The following PCDHA11 variants were observed in gnomAD, a reference collection of about 807,000 sequenced individuals.
The protein encoded by PCDHA11 is protocadherin alpha-11.
Under a neutral mutation model 70.3 loss-of-function variants are expected in PCDHA11, and 61 were observed. The ratio of observed to expected loss-of-function variants is 0.87; its 90% CI spans 0.71 to 1.07. PCDHA11 has a LOEUF of 1.07. Ranked by LOEUF, PCDHA11 falls within the 50% of genes least tolerant of loss-of-function variation. The pLI is 0.00. For synonymous variants in PCDHA11, 633 were observed against 555.1 expected (o/e 1.14, Z -1.97); for missense variants, 1,324 against 1,237.5 (o/e 1.07, Z -1.05).
intron 1 of PCDHA11, among the ~76,000 whole-genome samples, chr5:140,975,395 C>T (rs2096665697): frequency 6.6e-6 from 1 of 152,246 alleles, no homozygotes; most frequent in Admixed American, 6.5e-5. Flanking sequence ...AGATCCATCA[C>T]AATCACAGTC....
chr5:140,924,712 T>C (rs1481544117), intron 1 of PCDHA11, among the ~76,000 whole-genome samples: 1 of 151,870 alleles, frequency 6.6e-6, no homozygotes, highest in African/African-American at 2.4e-5. Context: ...TTGTGCAACA[T>C]GGCGAAACCT....
At chr5:140,931,783 T>A (rs2087751344) in intron 1 of PCDHA11, among the ~76,000 whole-genome samples, 1 of 151,996 alleles carries the variant, frequency 6.6e-6, no homozygotes, top group African/African-American at 2.4e-5. Context: ...TTCAATTACC[T>A]ATTGATCTGA....
chr5:140,966,960 T>C, intron 1 of PCDHA11: 1 of 1,603,106 alleles, frequency 6.2e-7, no homozygotes, highest in Non-Finnish European at 8.5e-7. Context: ...GCTCGCGCGC[T>C]GGGGCTTGAG....
In PCDHA11 at chr5:140,982,464, T is replaced by C; in HGVS notation, c.2451-11T>C. 6.2e-7 allele frequency: 1 copy of C among 1,614,112 alleles called. No individual in the cohort carries two copies. Among genetic ancestry groups the C allele is most frequent in the Non-Finnish European group, 8.5e-7 (1 of 1,180,010 alleles). ...GATCTAACCGTTATCTGGGTCTGTG[T>C]GTTTATTCAGCTCTGTGCACCTAGA... On this transcript the variant is annotated splice_polypyrimidine_tract_variant and intron_variant, in intron 2 of 3. Coordinates refer to ENST00000398640, the MANE Select transcript of PCDHA11 (RefSeq NM_018902.5).
In PCDHA11 at chr5:140,953,296, G is replaced by A. The variant is rs118116883; in HGVS notation, c.2392-25653G>A. 7.9e-5 allele frequency among the ~76,000 whole-genome samples: 12 copies of A among 152,162 alleles called. No individual in the cohort carries two copies. The East Asian group carries it at 1.5e-3, about 20-fold the overall frequency. Reference sequence around the variant, plus strand: ...TGCTCTTTATATGTGATTCAGGGACGGCAGAGATGTGGGAAGAATTTGATC... The same window carrying A: ...TGCTCTTTATATGTGATTCAGGGACAGCAGAGATGTGGGAAGAATTTGATC... On this transcript the variant is annotated intron_variant, in intron 1 of 3. Coordinates refer to ENST00000398640, the MANE Select transcript of PCDHA11 (RefSeq NM_018902.5).
At chr5:140,925,124 A>AGGAAGGAAGGAAGG (rs1554202565) in intron 1 of PCDHA11, among the ~76,000 whole-genome samples, 2 of 151,856 alleles carry the variant, frequency 1.3e-5, no homozygotes, top group African/African-American at 2.4e-5. Context: ...GAAGGAAGGA[A>AGGAAGGAAGGAAGG]AAAAAATTTC....
intron 1 of PCDHA11, among the ~76,000 whole-genome samples, chr5:140,937,823 A>T (rs2091776135): frequency 6.6e-6 from 1 of 151,692 alleles, no homozygotes; most frequent in Admixed American, 6.6e-5. Context: ...GAGGCAGGAG[A>T]ATGGCATGAA....
At chr5:140,915,572 C>T (rs2077180575) in intron 1 of PCDHA11, among the ~76,000 whole-genome samples, 1 of 152,106 alleles carries the variant, frequency 6.6e-6, no homozygotes, top group Admixed American at 6.6e-5. Context: ...ATCTGGATTG[C>T]CAGGCAAAAG....
At chr5:141,009,459 A>T in intron 3 of PCDHA11, 168 bp from the exon 4 acceptor site, 3 of 950,878 alleles carry the variant, frequency 3.2e-6, no homozygotes, top group Non-Finnish European at 3.8e-6. Context: ...AATTAAACAA[A>T]TAAATAAATA....
chr5:140,898,245 T>G (rs1583300763), intron 1 of PCDHA11, among the ~76,000 whole-genome samples: 1 of 152,246 alleles, frequency 6.6e-6, no homozygotes, highest in East Asian at 1.9e-4. Flanking sequence ...TTTGGTGTTT[T>G]AGACATGAAG....
intron 1 of PCDHA11, chr5:140,928,265 A>T (rs1208273188): frequency 4.3e-6 from 7 of 1,614,188 alleles, no homozygotes; most frequent in Non-Finnish European, 4.2e-6. Flanking sequence ...GCTGAAAACA[A>T]TGGCCCTGGG....
In PCDHA11 at chr5:140,995,657, A is replaced by C. The variant is rs188298109; in HGVS notation, c.2539+13094A>C. Among the ~76,000 whole-genome samples, 56 of 152,328 alleles carry C rather than the reference A, an allele frequency of 3.7e-4. No homozygotes were observed. The East Asian group carries it at 7.7e-3, about 21-fold the overall frequency. Reference sequence around the variant, plus strand: ...AGTGTTTAGAAAAGGAGAATCGAAAAGGGAAGTAAATGCAGCATTTTTTTT... The same window carrying C: ...AGTGTTTAGAAAAGGAGAATCGAAACGGGAAGTAAATGCAGCATTTTTTTT... On this transcript the variant is annotated intron_variant, in intron 3 of 3. Coordinates refer to ENST00000398640, the MANE Select transcript of PCDHA11 (RefSeq NM_018902.5).
chr5:140,965,283 A>G (rs1342044804), intron 1 of PCDHA11, among the ~76,000 whole-genome samples: 1 of 152,200 alleles, frequency 6.6e-6, no homozygotes, highest in Non-Finnish European at 1.5e-5. Context: ...CACAGCATGG[A>G]AAGATTTCCT....
chr5:140,946,631 T>TATATATATATATATATATATATATACAC lies in PCDHA11; in HGVS notation c.2392-32317_2392-32316insTATATATATATATATATATATATACACA, dbSNP rs57893927. 8.3e-4 allele frequency among the ~76,000 whole-genome samples: 109 copies of TATATATATATATATATATATATATACAC among 131,802 alleles called. 1 individual carries two copies. The highest frequency in any genetic ancestry group is 3.6e-3 in the African/African-American group (102 of 28,672). 86.5% of individuals were successfully genotyped at this position (131,802 alleles called of 152,430 possible). A position where few individuals can be genotyped will look rare whatever the true frequency, so the allele number is the denominator to read the frequency against. On this transcript the variant is annotated intron_variant, in intron 1 of 3. Transcript: ENST00000398640. ...TGTGAAATATATATATATATATATA[T>TATATATATATATATATATATATATACAC]ACAATGGAATACTCATCAGCCATTA...
rs574302735 is a variant in PCDHA11 at position 140,870,426 on chromosome 5, C to A, written c.1323C>A (p.Ser441=). 6.2e-7 allele frequency: 1 copy of A among 1,614,090 alleles called. No individual in the cohort carries two copies. Among genetic ancestry groups the A allele is most frequent in the Non-Finnish European group, 8.5e-7 (1 of 1,180,048 alleles). Reference sequence around the variant, plus strand: ...CTCTGTGGGCCACGGCCAGGGTATCCGTGGAGGTGGCCGACGTGAACGACA... The same window carrying A: ...CTCTGTGGGCCACGGCCAGGGTATCAGTGGAGGTGGCCGACGTGAACGACA... The part of the protein sequence containing the change: ...SPSLWATARV[S]VEVADVNDNA... The change falls in exon 1 of 4, where the codon TCC becomes TCA. Residue 441 remains serine (S), a synonymous_variant. Transcript: ENST00000398640.
intron 1 of PCDHA11, among the ~76,000 whole-genome samples, chr5:140,873,723 CAA>C (rs1554166874): frequency 6.6e-6 from 1 of 152,158 alleles, no homozygotes; most frequent in Non-Finnish European, 1.5e-5. Context: ...TGCAGTGGCG[CAA>C]TCTCAGCTCA....
intron 3 of PCDHA11, among the ~76,000 whole-genome samples, chr5:141,000,417 A>T (rs1334137638): frequency 1.8e-3 from 141 of 77,654 alleles, no homozygotes; most frequent in African/African-American, 4.6e-3. Context: ...ATATATATAT[A>T]TATATTTTTT....
chr5:140,923,220 G>A (rs1264496576), intron 1 of PCDHA11, among the ~76,000 whole-genome samples: 5 of 71,932 alleles, frequency 7.0e-5, no homozygotes, highest in African/African-American at 2.1e-4. Flanking sequence ...TGAAAGGATC[G>A]TTTGAGCCCA....
intron 1 of PCDHA11, among the ~76,000 whole-genome samples, chr5:140,921,243 G>A (rs2080116903): frequency 6.6e-6 from 1 of 151,726 alleles, no homozygotes; most frequent in Non-Finnish European, 1.5e-5. Flanking sequence ...TTAAGCCACA[G>A]ATCAAAAAGT....
Sources: gnomAD v4.1 joint callset for allele counts (sites outside exome capture counted in the v4.1 genomes callset) on GRCh38, gnomAD v4.1.1 for gene constraint, MANE v1.5 for transcripts, NCBI Gene and HGNC (gene_info 2026-07-23, HGNC 2026-07-21) for gene names.